The following PRKAG2 variants were observed in gnomAD, a reference collection of about 807,000 sequenced individuals.
The protein encoded by PRKAG2 is 5'-AMP-activated protein kinase subunit gamma-2.
In PRKAG2, 26 loss-of-function variants were observed where a neutral mutation model predicts 69.6. The observed-to-expected ratio is 0.37, with a 90% CI of 0.27 to 0.52. The LOEUF is 0.52. Ranked by LOEUF, PRKAG2 falls within the 20% of genes least tolerant of loss-of-function variation. The pLI is 0.90. For synonymous variants in PRKAG2, 293 were observed against 285.0 expected (o/e 1.03, Z -0.28); for missense variants, 557 against 740.0 (o/e 0.75, Z 2.87).
intron 7 of PRKAG2, 107 bp from the exon 8 acceptor site, chr7:151,575,056 C>T (rs1422639947): frequency 6.2e-6 from 9 of 1,447,098 alleles, no homozygotes; most frequent in Non-Finnish European, 8.4e-6. Context: ...ATAAAATATA[C>T]TTCGAAGATA....
At chr7:151,802,508 G>A (rs1304326199) in intron 1 of PRKAG2, among the ~76,000 whole-genome samples, 3 of 152,126 alleles carry the variant, frequency 2.0e-5, no homozygotes, top group African/African-American at 4.8e-5. Flanking sequence ...AGGGGAAACC[G>A]AAGCTACCTG....
intron 3 of PRKAG2, among the ~76,000 whole-genome samples, chr7:151,770,050 C>G (rs1415477635): frequency 6.6e-6 from 1 of 152,208 alleles, no homozygotes; most frequent in African/African-American, 2.4e-5. Flanking sequence ...TCATTACACC[C>G]CCTCCCTTGC....
chr7:151,680,301 G>A (rs974377004), intron 3 of PRKAG2, among the ~76,000 whole-genome samples: 2 of 152,164 alleles, frequency 1.3e-5, no homozygotes, highest in African/African-American at 2.4e-5. Flanking sequence ...GCCTGGAGAC[G>A]CAGAGGCTCG....
rs544527951 is a variant in PRKAG2 at position 151,666,328 on chromosome 7, G to T, written c.684+9092C>A. Among the ~76,000 whole-genome samples, 107 of 152,300 alleles carry T rather than the reference G, an allele frequency of 7.0e-4. 1 individual carries two copies. The highest frequency in any genetic ancestry group is 2.5e-3 in the African/African-American group (103 of 41,572). Reference sequence around the variant, plus strand: ...AATAGGACTTGTGTCCTTAAAAGAAGGAGAGGAGCTGCCAAGGATGAAAGC... The same window carrying T: ...AATAGGACTTGTGTCCTTAAAAGAATGAGAGGAGCTGCCAAGGATGAAAGC... On this transcript the variant is annotated intron_variant, in intron 4 of 15. Coordinates refer to ENST00000287878, the MANE Select transcript of PRKAG2 (RefSeq NM_016203.4).
rs1320230835 is a variant in PRKAG2 at position 151,771,237 on chromosome 7, G to A, written c.466+9915C>T. Among the ~76,000 whole-genome samples, 1 of 152,104 alleles carries A rather than the reference G, an allele frequency of 6.6e-6. No homozygotes were observed. The highest frequency in any genetic ancestry group is 2.1e-4 in the South Asian group (1 of 4,808). On this transcript the variant is annotated intron_variant, in intron 3 of 15. Transcript: ENST00000287878. This position sits in a 1 kb window ranked among gnomAD's most constrained non-coding sequence, Gnocchi z 4.0. ...ATGCTTTTCCCTTAGCTAAAATTTC[G>A]ATTTCCGCTTTACATTTTTGGCATT... is the stretch of plus-strand genomic sequence containing the variant.
At position 151,565,211 on chromosome 7, in the gene PRKAG2, A is replaced by G; in HGVS notation, c.1437+135T>C. 8 of 721,102 alleles carry G rather than the reference A, an allele frequency of 1.1e-5. No individual in the cohort carries two copies. The South Asian group carries it at 1.8e-4, about 16-fold the overall frequency. The allele number at this position is 721,102 out of a possible 1,614,324, so 44.7% of individuals were successfully genotyped here. A position where few individuals can be genotyped will look rare whatever the true frequency, so the allele number is the denominator to read the frequency against. The stretch of plus-strand genomic sequence containing the variant: ...ACAATTACTATAGAAGGTCTATAAA[A>G]TTCTGATAATATCCTCACACCCCAA... On this transcript the variant is annotated intron_variant, in intron 13 of 15. Transcript: ENST00000287878.
chr7:151,739,032 T>G (rs932450605), intron 3 of PRKAG2, among the ~76,000 whole-genome samples: 1 of 152,078 alleles, frequency 6.6e-6, no homozygotes, highest in Non-Finnish European at 1.5e-5. Flanking sequence ...GGGGCCTCCA[T>G]CCACAGAAGC....
At chr7:151,808,957 T>C (rs1554608403) in intron 1 of PRKAG2, among the ~76,000 whole-genome samples, 2 of 152,128 alleles carry the variant, frequency 1.3e-5, no homozygotes, top group Non-Finnish European at 2.9e-5. Context: ...AGCACGGTTC[T>C]CTCCCGCGCT....
rs1264319925 is a variant in PRKAG2, at chr7:151,632,394, C to G, written c.685-256G>C. ...CCGCGAGTGGGACGCGCCGCTCCCC[C>G]CCGCGCCTTGGTACGGCCCGCCCGG... On this transcript the variant is annotated intron_variant, in intron 4 of 15. Transcript: ENST00000287878. This position sits in a 1 kb window ranked among gnomAD's most constrained non-coding sequence, Gnocchi z 4.2. 1.0e-5 allele frequency: 5 copies of G among 481,766 alleles called. No individual in the cohort carries two copies. Among genetic ancestry groups the G allele is most frequent in the South Asian group, 1.8e-4 (2 of 11,322 alleles). 29.8% of individuals were successfully genotyped at this position (481,766 alleles called of 1,614,324 possible). A position where few individuals can be genotyped will look rare whatever the true frequency, so the allele number is the denominator to read the frequency against.
At chr7:151,624,140 G>A (rs1207289336) in intron 5 of PRKAG2, among the ~76,000 whole-genome samples, 9 of 22,636 alleles carry the variant, frequency 4.0e-4, no homozygotes, top group African/African-American at 1.5e-3. Flanking sequence ...AAGGCAGCGT[G>A]TGTGTGTGTG....
chr7:151,690,612 T>C (rs1835518629), intron 3 of PRKAG2, among the ~76,000 whole-genome samples: 1 of 152,220 alleles, frequency 6.6e-6, no homozygotes, highest in African/African-American at 2.4e-5. Context: ...GTTGCCTCCA[T>C]GCAATTTTCT....
At chr7:151,748,077 C>T (rs575192006) in intron 3 of PRKAG2, among the ~76,000 whole-genome samples, 64 of 152,092 alleles carry the variant, frequency 4.2e-4, no homozygotes, top group Middle Eastern at 3.4e-3. Flanking sequence ...CGTGCCACCA[C>T]GCCTGGCTAA....
intron 3 of PRKAG2, among the ~76,000 whole-genome samples, chr7:151,776,941 C>G (rs186355414): frequency 6.6e-6 from 1 of 152,194 alleles, no homozygotes. Flanking sequence ...GCCCCAGCCT[C>G]ATCCCCAGGA....
rs1278992117 is a variant in PRKAG2 at position 151,835,898 on chromosome 7, G to A, written c.114+40609C>T. 6.6e-6 allele frequency among the ~76,000 whole-genome samples: 1 copy of A among 152,212 alleles called. No individual in the cohort carries two copies. Among genetic ancestry groups the A allele is most frequent in the Admixed American group, 6.5e-5 (1 of 15,284 alleles). On this transcript the variant is annotated intron_variant, in intron 1 of 15. Coordinates refer to ENST00000287878, the MANE Select transcript of PRKAG2 (RefSeq NM_016203.4). This position sits in a 1 kb window ranked among gnomAD's most constrained non-coding sequence, Gnocchi z 4.1. ...AAGGGCAGCCTTTCCGTATTCAAGA[G>A]TGGGGTGCAGCTCAGGGAGGCATCG...
At chr7:151,803,934 T>G (rs1192097320) in intron 1 of PRKAG2, among the ~76,000 whole-genome samples, 9 of 89,778 alleles carry the variant, frequency 1.0e-4, no homozygotes, top group African/African-American at 5.6e-4. Flanking sequence ...CGAGACTATG[T>G]CTCAAAAAAA....
intron 1 of PRKAG2, among the ~76,000 whole-genome samples, chr7:151,811,419 C>T (rs1348893471): frequency 1.3e-5 from 2 of 152,266 alleles, no homozygotes; most frequent in East Asian, 3.8e-4. Context: ...GGCCACGAGG[C>T]CTCTGGGGTG....
At position 151,675,503 on chromosome 7, in the gene PRKAG2, C is replaced by G. The variant is rs148952775; in HGVS notation, c.601G>C (p.Gly201Arg). Residue 201 changes from glycine to arginine, a missense_variant, in exon 4 of 16, where the codon GGG (glycine) becomes CGG (arginine). Gly to Arg is a moderately radical substitution (Grantham distance 125, BLOSUM62 -2). Around this residue, in one of 2 missense-constraint regions of PRKAG2, gnomAD observed 352 missense variants for 356.7 expected, o/e 0.99. Coordinates refer to ENST00000287878, the MANE Select transcript of PRKAG2 (RefSeq NM_016203.4). ...IYASSSPPDT[G>R]QRFCPSSFQS... is the part of the protein sequence containing the mutation. ...AAGGAAGACGGGCAGAACCTCTGCC[C>G]TGTGTCCGGGGGGGAAGACGAGGCA... 1 of 1,614,176 alleles carries G rather than the reference C, an allele frequency of 6.2e-7. No homozygotes were observed. Among genetic ancestry groups the G allele is most frequent in the Non-Finnish European group, 8.5e-7 (1 of 1,180,030 alleles).
At chr7:151,856,828 T>C in intron 1 of PRKAG2, among the ~76,000 whole-genome samples, 1 of 151,922 alleles carries the variant, frequency 6.6e-6, no homozygotes, top group South Asian at 2.1e-4. Context: ...GTTTCAAGTC[T>C]GGTGAAACCC....
intron 4 of PRKAG2, among the ~76,000 whole-genome samples, chr7:151,669,920 A>ACACACACCTGCATGCACATACCTGCATG (rs1554526942): frequency 6.4e-4 from 96 of 150,396 alleles, no homozygotes; most frequent in African/African-American, 1.9e-3. Flanking sequence ...ACCTGCATGC[A>ACACACACCTGCATGCACATACCTGCATG]CACACACCTG....
Sources: gnomAD v4.1 joint callset for allele counts (sites outside exome capture counted in the v4.1 genomes callset) on GRCh38, gnomAD v4.1.1 for gene constraint, gnomAD v4.1.1 regional missense constraint, Gnocchi (gnomAD v3.1) non-coding constraint, MANE v1.5 for transcripts, NCBI Gene and HGNC (gene_info 2026-07-23, HGNC 2026-07-21) for gene names.